The following CWC27 variants were observed in gnomAD, a reference collection of about 807,000 sequenced individuals.
CWC27 encodes spliceosome-associated protein CWC27 homolog.
A neutral mutation model predicts 63.6 loss-of-function variants in CWC27; 47 were observed. The observed-to-expected ratio is 0.74, with a 90% confidence interval of 0.58 to 0.94. The LOEUF is 0.94. CWC27 is among the 40% of genes least tolerant of loss of function. The pLI is 0.00. For synonymous variants in CWC27, 175 were observed against 179.8 expected, an observed-to-expected ratio of 0.97 and a Z score of 0.22; for missense variants, 495 against 554.3, an observed-to-expected ratio of 0.89 and a Z score of 1.07.
At chr5:64,825,296 G>A (rs1486225204) in intron 10 of CWC27, among the ~76,000 whole-genome samples, 2 of 152,058 alleles carry the variant, frequency 1.3e-5, no homozygotes, top group East Asian at 3.9e-4. Flanking sequence ...GACACTGGGT[G>A]TTCTTTTCTT....
intron 8 of CWC27, 63 bp downstream of exon 8, chr5:64,800,390 T>A: frequency 8.0e-7 from 1 of 1,257,228 alleles, no homozygotes; most frequent in Non-Finnish European, 1.1e-6. Flanking sequence ...TTTTCTTGCT[T>A]CTTCTGTGAG....
intron 10 of CWC27, among the ~76,000 whole-genome samples, chr5:64,810,400 ATTTTAGGATT>A (rs1225305280): frequency 6.6e-6 from 1 of 151,932 alleles, no homozygotes; most frequent in Non-Finnish European, 1.5e-5. Context: ...TTCCATACTA[ATTTTAGGATT>A]TTTTTTTCTA....
intron 13 of CWC27, among the ~76,000 whole-genome samples, chr5:65,016,155 A>C (rs1005978308): frequency 6.6e-6 from 1 of 152,194 alleles, no homozygotes; most frequent in African/African-American, 2.4e-5. Context: ...TTCAGAAGCT[A>C]ATACCTAAAC....
intron 7 of CWC27, among the ~76,000 whole-genome samples, chr5:64,798,892 A>G (rs1744374313): frequency 6.6e-6 from 1 of 152,162 alleles, no homozygotes; most frequent in Non-Finnish European, 1.5e-5. Context: ...TTAACTATTC[A>G]TTTTTATATG....
At chr5:64,885,169 G>T (rs539526211) in intron 10 of CWC27, among the ~76,000 whole-genome samples, 1 of 152,122 alleles carries the variant, frequency 6.6e-6, no homozygotes, top group South Asian at 2.1e-4. Flanking sequence ...TGTTAAATTT[G>T]TTAGTGAATT....
intron 10 of CWC27, among the ~76,000 whole-genome samples, chr5:64,826,089 A>ATCTATCTG: frequency 6.6e-6 from 1 of 151,988 alleles, no homozygotes; most frequent in East Asian, 1.9e-4. Flanking sequence ...CTATCTATCT[A>ATCTATCTG]TCTATCTATC....
chr5:64,835,494 T>C (rs748142102), intron 10 of CWC27, among the ~76,000 whole-genome samples: 3 of 151,870 alleles, frequency 2.0e-5, no homozygotes, highest in Non-Finnish European at 4.4e-5. Flanking sequence ...AACAGCAAAC[T>C]TTTCCACTTT....
At chr5:64,918,326 G>A (rs1219652830) in intron 11 of CWC27, among the ~76,000 whole-genome samples, 1 of 152,130 alleles carries the variant, frequency 6.6e-6, no homozygotes, top group African/African-American at 2.4e-5. Flanking sequence ...TTCAGTTAGA[G>A]AGGAGTAAGT....
At chr5:64,870,676 C>CT (rs558133355) in intron 10 of CWC27, among the ~76,000 whole-genome samples, 175 of 151,850 alleles carry the variant, frequency 1.2e-3, no homozygotes, top group African/African-American at 4.1e-3. Context: ...AAAGAAACTT[C>CT]TTTTTTTCTA....
At chr5:64,830,520 G>C (rs138280361) in intron 10 of CWC27, among the ~76,000 whole-genome samples, 151 of 152,208 alleles carry the variant, frequency 9.9e-4, no homozygotes, top group Non-Finnish European at 1.6e-3. Context: ...GCATGGGCAA[G>C]GACTTCATGA....
intron 6 of CWC27, among the ~76,000 whole-genome samples, chr5:64,786,971 G>A (rs1263733922): frequency 6.6e-6 from 1 of 152,146 alleles, no homozygotes; most frequent in Admixed American, 6.6e-5. Context: ...TTCAATCGTG[G>A]AGGAAGGCGA....
chr5:64,810,713 C>G (rs929687381), intron 10 of CWC27, among the ~76,000 whole-genome samples: 11 of 152,086 alleles, frequency 7.2e-5, no homozygotes, highest in African/African-American at 2.4e-4. Flanking sequence ...TATCAAAGCT[C>G]TGTAGATATT....
intron 2 of CWC27, among the ~76,000 whole-genome samples, chr5:64,775,318 T>G (rs1246179233): frequency 6.6e-6 from 1 of 152,194 alleles, no homozygotes; most frequent in Non-Finnish European, 1.5e-5. Flanking sequence ...TGACTGTAAT[T>G]GCCTCTTGCC....
At chr5:64,945,173 A>C (rs1748566196) in intron 11 of CWC27, among the ~76,000 whole-genome samples, 1 of 152,112 alleles carries the variant, frequency 6.6e-6, no homozygotes. Context: ...CTTCTCAATG[A>C]GACTTTCTTT....
chr5:64,913,441 A>G (rs528943823), intron 11 of CWC27, among the ~76,000 whole-genome samples: 108 of 152,202 alleles, frequency 7.1e-4, no homozygotes, highest in Middle Eastern at 3.4e-3. Flanking sequence ...TTTCTTGCTC[A>G]GGTACAATTA....
rs184664286 is a variant in CWC27, at chr5:64,908,997, G to T, written c.1042+23451G>T. 4.7e-4 allele frequency among the ~76,000 whole-genome samples: 71 copies of T among 152,194 alleles called. No homozygotes were observed. The East Asian group carries it at 0.013, about 27-fold the overall frequency. On this transcript the variant is annotated intron_variant, in intron 11 of 13. Coordinates refer to ENST00000381070, the MANE Select transcript of CWC27 (RefSeq NM_005869.4). The stretch of plus-strand genomic sequence containing the variant: ...CTAGCATCGATGGTCTTTACAATTT[G>T]GCATGTTTTTGCAGTGGCTGGTACC...
At chr5:64,993,070 C>A (rs952930993) in intron 13 of CWC27, among the ~76,000 whole-genome samples, 2 of 152,120 alleles carry the variant, frequency 1.3e-5, no homozygotes, top group African/African-American at 4.8e-5. Flanking sequence ...GCCTCAATTT[C>A]TTCACCTGTA....
chr5:65,018,067 T>C, intron 13 of CWC27, 92 bp from the exon 14 acceptor site: 1 of 1,162,392 alleles, frequency 8.6e-7, no homozygotes. Context: ...TCTGTATGCT[T>C]ATGTTTCATT....
intron 11 of CWC27, among the ~76,000 whole-genome samples, chr5:64,886,856 GA>G (rs1243846786): frequency 6.6e-6 from 1 of 152,058 alleles, no homozygotes; most frequent in Non-Finnish European, 1.5e-5. Flanking sequence ...ACTAGATCAT[GA>G]AGGCAAAATG....
Sources: allele counts gnomAD v4.1 joint callset (sites outside exome capture counted in the v4.1 genomes callset), GRCh38; gene constraint gnomAD v4.1.1; transcripts MANE v1.5; gene names NCBI Gene and HGNC (gene_info 2026-07-23, HGNC 2026-07-21).